The following NCCRP1 variants were observed in gnomAD, a reference collection of about 807,000 sequenced individuals.
NCCRP1 encodes F-box only protein 50.
NCCRP1 carries 32 observed loss-of-function variants against 34.4 expected under a neutral mutation model. That is an observed-to-expected ratio of 0.93 (90% confidence interval 0.70 to 1.25). The LOEUF (loss-of-function observed/expected upper bound fraction) is 1.25, where lower values mean the gene tolerates loss of function less well. Among genes scored for constraint, NCCRP1 ranks in the 50% most tolerant of loss-of-function variants. The pLI is 0.00. For synonymous variants in NCCRP1, 172 were observed against 180.1 expected (o/e 0.95, Z 0.36); for missense variants, 372 against 391.8 (o/e 0.95, Z 0.43).
At chr19:39,199,509 C>CTTTTTTTTTTTTTTT (rs150534648) in intron 4 of NCCRP1, among the ~76,000 whole-genome samples, 3 of 67,862 alleles carry the variant, frequency 4.4e-5, no homozygotes, top group Admixed American at 2.2e-4. Context: ...TTTTTTCTTT[C>CTTTTTTTTTTTTTTT]TTTTTTTTTT....
At chr19:39,199,106 G>A in intron 3 of NCCRP1, 64 bp from the exon 4 acceptor site, 1 of 1,496,666 alleles carries the variant, frequency 6.7e-7, no homozygotes, top group South Asian at 1.1e-5. Context: ...ACTAAGACAG[G>A]GCTTCCTGCT....
chr19:39,198,589 A>G (rs1206937439), intron 3 of NCCRP1, among the ~76,000 whole-genome samples: 2 of 152,032 alleles, frequency 1.3e-5, no homozygotes, highest in Non-Finnish European at 1.5e-5. Context: ...CCTCCTGAGT[A>G]GCTAGGATTA....
chr19:39,198,385 G>GA, intron 3 of NCCRP1, 132 bp downstream of exon 3: 1 of 975,386 alleles, frequency 1.0e-6, no homozygotes, highest in Non-Finnish European at 1.6e-6. Flanking sequence ...TAGCATAAGA[G>GA]AGAATGCTTG....
At chr19:39,199,856 C>T (rs763066698) in intron 4 of NCCRP1, among the ~76,000 whole-genome samples, 4 of 152,040 alleles carry the variant, frequency 2.6e-5, no homozygotes, top group Non-Finnish European at 4.4e-5. Context: ...ATTCTCAAGA[C>T]CAATTCCTTC....
intron 3 of NCCRP1, among the ~76,000 whole-genome samples, 171 bp downstream of exon 3, chr19:39,198,424 G>A (rs1244003397): frequency 6.6e-6 from 1 of 152,158 alleles, no homozygotes; most frequent in Non-Finnish European, 1.5e-5. Context: ...GCCCGGCCAG[G>A]TCTGGCTAGC....
In NCCRP1 at chr19:39,201,265, AC is replaced by A. The variant is rs1430689561; in HGVS notation, c.*511del. 6.7e-6 allele frequency: 1 copy of A among 150,098 alleles called. No homozygotes were observed. Among genetic ancestry groups the A allele is most frequent in the East Asian group, 2.0e-4 (1 of 5,050 alleles). The allele number at this position is 150,098 out of a possible 1,614,324, so 9.3% of individuals were successfully genotyped here. ...CCGGGGTCCTTCTGAACTGACCTTG[AC>A]CTCTGATCTCTTCACACATCTCCCC... is the stretch of plus-strand genomic sequence containing the variant. On this transcript the variant is annotated 3_prime_UTR_variant, in exon 6 of 6. Transcript: ENST00000339852.
Position 39,198,272 on chromosome 19 carries a change from T to C in NCCRP1, c.452+19T>C, listed in dbSNP as rs776262575. ...ACCAAAGGTGAGTCGCCAGGGCCAG[T>C]GTGGCTTACACTCCATTCCCTGCTC... is the stretch of plus-strand genomic sequence containing the variant. On this transcript the variant is annotated intron_variant, in intron 3 of 5. Coordinates refer to ENST00000339852, the MANE Select transcript of NCCRP1 (RefSeq NM_001001414.2). 2.5e-5 allele frequency: 41 copies of C among 1,613,572 alleles called. No homozygotes were observed. In the Admixed American group the frequency reaches 6.3e-4, roughly 25 times the overall value.
Position 39,197,198 on chromosome 19 carries a change from G to T in NCCRP1, c.216G>T (p.Leu72=). The T allele has an allele frequency of 7.0e-7, 1 of 1,429,976 alleles. No individual in the cohort carries two copies. The highest frequency in any genetic ancestry group is 9.0e-7 in the Non-Finnish European group (1 of 1,105,466). The allele number at this position is 1,429,976 out of a possible 1,614,324, so 88.6% of individuals were successfully genotyped here. The part of the protein sequence containing the change: ...AQPSEAHARQ[L]LLEEWGPLSG... ...CGTCCGAGGCTCACGCCCGGCAGCT[G>T]CTGCTGGAGGAGTGGGGGCCGCTGA... The change falls in exon 1 of 6, where the codon CTG becomes CTT. Residue 72 remains leucine, a synonymous_variant. Coordinates refer to ENST00000339852, the MANE Select transcript of NCCRP1 (RefSeq NM_001001414.2).
chr19:39,198,929 A>G (rs569592060), intron 3 of NCCRP1, among the ~76,000 whole-genome samples: 1 of 151,922 alleles, frequency 6.6e-6, no homozygotes, highest in African/African-American at 2.4e-5. Context: ...GCTCTGCCAC[A>G]TGTTTGCTGC....
chr19:39,197,223 A>G lies in NCCRP1; in HGVS notation c.241A>G (p.Ser81Gly), dbSNP rs1191364552. Residue 81 changes from serine to glycine, a missense_variant, in exon 1 of 6, where the codon AGC becomes GGC. Physicochemically the swap from Ser to Gly is moderately conservative, Grantham distance 56. Transcript: ENST00000339852. ...QLLLEEWGPL[S>G]GGLELPQRLT... ...GCTGCTGGAGGAGTGGGGGCCGCTG[A>G]GCGGGGGCCTGGAGCTGCCCCAGCG... 1 of 1,454,512 alleles carries G rather than the reference A, an allele frequency of 6.9e-7. No individual in the cohort carries two copies. The highest frequency in any genetic ancestry group is 9.0e-7 in the Non-Finnish European group (1 of 1,115,170). 90.1% of individuals were successfully genotyped at this position (1,454,512 alleles called of 1,614,324 possible).
chr19:39,200,528 C>T lies in NCCRP1; in HGVS notation c.687+44C>T. On this transcript the variant is annotated intron_variant, in intron 5 of 5. Transcript: ENST00000339852. This position sits in a 1 kb window ranked among gnomAD's most constrained non-coding sequence, Gnocchi z 5.8. ...GGGCCCTCAACCCCAGACGTGTGTTCTTGTCCCAAGACCTCACAGAGGGAG... is the reference window on the plus strand; with the variant it reads ...GGGCCCTCAACCCCAGACGTGTGTTTTTGTCCCAAGACCTCACAGAGGGAG... 1 of 1,610,710 alleles carries T rather than the reference C, an allele frequency of 6.2e-7. No homozygotes were observed. The highest frequency in any genetic ancestry group is 8.5e-7 in the Non-Finnish European group (1 of 1,178,556).
chr19:39,198,802 A>G (rs535418755), intron 3 of NCCRP1, among the ~76,000 whole-genome samples: 51 of 152,122 alleles, frequency 3.4e-4, no homozygotes, highest in Non-Finnish European at 5.9e-4. Flanking sequence ...TTTCCCTGGG[A>G]GGGGAAGAGT....
chr19:39,199,509 C>CTTTTTTTTTTTTTTTTTTTTT (rs150534648), intron 4 of NCCRP1, among the ~76,000 whole-genome samples: 36 of 67,858 alleles, frequency 5.3e-4, no homozygotes, highest in South Asian at 7.4e-4. Context: ...TTTTTTCTTT[C>CTTTTTTTTTTTTTTTTTTTTT]TTTTTTTTTT....
rs999828108 is a variant in NCCRP1 at position 39,201,206 on chromosome 19, G to GCC, written c.*453_*454dup. ...CACTCAGTTCCTGTCCCATTTAACC[G>GCC]CCCCGATCCTTGATCTTCCATTACC... On this transcript the variant is annotated 3_prime_UTR_variant, in exon 6 of 6. Transcript: ENST00000339852. 6.1e-6 allele frequency: 1 copy of GCC among 164,558 alleles called. No homozygotes were observed. The highest frequency in any genetic ancestry group is 1.3e-5 in the Non-Finnish European group (1 of 76,334). 10.2% of individuals were successfully genotyped at this position (164,558 alleles called of 1,614,324 possible). A position where few individuals can be genotyped will look rare whatever the true frequency, so the allele number is the denominator to read the frequency against.
Position 39,200,780 on chromosome 19 carries a change from C to T in NCCRP1, c.*24C>T. 1.3e-6 allele frequency: 2 copies of T among 1,599,656 alleles called. No homozygotes were observed. Among genetic ancestry groups the T allele is most frequent in the Non-Finnish European group, 1.7e-6 (2 of 1,175,980 alleles). Reference sequence around the variant, plus strand: ...GACTGGCTGGCTCCTCTGTCCTGACCCCACAGCACCTCCCTGACCTTTAGG... The same window carrying T: ...GACTGGCTGGCTCCTCTGTCCTGACTCCACAGCACCTCCCTGACCTTTAGG... On this transcript the variant is annotated 3_prime_UTR_variant, in exon 6 of 6. Transcript: ENST00000339852. The surrounding 1 kb of genome is among the most constrained non-coding windows in gnomAD (Gnocchi z 5.8).
At chr19:39,199,497 T>C (rs1300434572) in intron 4 of NCCRP1, among the ~76,000 whole-genome samples, 1 of 129,144 alleles carries the variant, frequency 7.7e-6, no homozygotes, top group Non-Finnish European at 1.6e-5. Flanking sequence ...CTTTTTTTTT[T>C]CTTTTTTCTT....
chr19:39,199,156 C>A lies in NCCRP1; in HGVS notation c.453-14C>A. 3 of 1,612,742 alleles carry A rather than the reference C, an allele frequency of 1.9e-6. No individual in the cohort carries two copies. The South Asian group carries it at 3.3e-5, about 18-fold the overall frequency. On this transcript the variant is annotated splice_polypyrimidine_tract_variant and intron_variant, in intron 3 of 5. Coordinates refer to ENST00000339852, the MANE Select transcript of NCCRP1 (RefSeq NM_001001414.2). ...AGATCGCAGACCCCGCCTCTCCCGG[C>A]CCTTCTTTCACAGCTGGACAGTGAA...
intron 3 of NCCRP1, among the ~76,000 whole-genome samples, chr19:39,198,640 G>A (rs932092522): frequency 4.6e-5 from 7 of 152,072 alleles, no homozygotes; most frequent in Admixed American, 4.6e-4. Flanking sequence ...TGTATTTTTA[G>A]TAGAGACGGA....
rs1221396501 is a variant in NCCRP1 at position 39,198,351 on chromosome 19, C to A, written c.452+98C>A. ...AACTGACTTGGCCTCTCTGGACCTC[C>A]ATTTCCTGCTCTGTAAACAGGGTTA... On this transcript the variant is annotated intron_variant, in intron 3 of 5. Coordinates refer to ENST00000339852, the MANE Select transcript of NCCRP1 (RefSeq NM_001001414.2). The A allele has an allele frequency of 2.4e-6, 3 of 1,270,338 alleles. No individual in the cohort carries two copies. The Admixed American group carries it at 5.2e-5, about 22-fold the overall frequency. The allele number at this position is 1,270,338 out of a possible 1,614,324, so 78.7% of individuals were successfully genotyped here.
Sources: gnomAD v4.1 joint callset for allele counts (sites outside exome capture counted in the v4.1 genomes callset) on GRCh38, gnomAD v4.1.1 for gene constraint, Gnocchi (gnomAD v3.1) non-coding constraint, MANE v1.5 for transcripts, NCBI Gene and HGNC (gene_info 2026-07-23, HGNC 2026-07-21) for gene names.